Variants in RBFOX1 observed in about 807,000 individuals in gnomAD.
The protein encoded by RBFOX1 is RNA binding fox-1 homolog 1.
RBFOX1 carries 8 observed loss-of-function variants against 57.7 expected under a neutral mutation model. The observed-to-expected ratio is 0.14, with a 90% confidence interval of 0.08 to 0.25. The LOEUF (loss-of-function observed/expected upper bound fraction) is 0.25, where lower values mean the gene tolerates loss of function less well. Among genes scored for constraint, RBFOX1 ranks in the 10% least tolerant of loss-of-function variants. RBFOX1 has a pLI of 1.00. For missense variants in RBFOX1, 611 were observed against 548.5 expected, an observed-to-expected ratio of 1.11 and a Z score of -1.14; for synonymous variants, 326 against 222.4, an observed-to-expected ratio of 1.47 and a Z score of -4.15.
intron 3 of RBFOX1, among the ~76,000 whole-genome samples, chr16:5,635,938 G>A (rs2048670126): frequency 6.6e-6 from 1 of 152,192 alleles, no homozygotes; most frequent in Non-Finnish European, 1.5e-5. Context: ...TCCAGGTGCA[G>A]TGGCCCATGC....
chr16:5,306,381 A>G (rs374896316), intron 1 of RBFOX1, among the ~76,000 whole-genome samples: 2 of 150,558 alleles, frequency 1.3e-5, no homozygotes, highest in African/African-American at 2.4e-5. Flanking sequence ...GTGTAGTGGC[A>G]TGATCTTGAC....
At chr16:5,366,408 C>G (rs2065716692) in intron 1 of RBFOX1, 2 of 435,482 alleles carry the variant, frequency 4.6e-6, no homozygotes, top group African/African-American at 2.1e-5. Flanking sequence ...GATACTCCAG[C>G]CAAAAATGCA....
At chr16:5,700,876 T>A (rs2051022595) in intron 3 of RBFOX1, among the ~76,000 whole-genome samples, 1 of 152,214 alleles carries the variant, frequency 6.6e-6, no homozygotes, top group Non-Finnish European at 1.5e-5. Context: ...GTAGGTCACA[T>A]GTCCACTCCA....
intron 3 of RBFOX1, among the ~76,000 whole-genome samples, chr16:7,011,894 G>T (rs549980390): frequency 1.3e-5 from 2 of 152,158 alleles, no homozygotes; most frequent in Non-Finnish European, 2.9e-5. Context: ...AGCTCAAGTG[G>T]TATTGCATGC....
At chr16:6,618,460 G>A (rs1415924254) in intron 2 of RBFOX1, among the ~76,000 whole-genome samples, 1 of 152,190 alleles carries the variant, frequency 6.6e-6, no homozygotes, top group Non-Finnish European at 1.5e-5. Flanking sequence ...CCTACATTCT[G>A]ATAATAGTAG....
At chr16:7,160,650 T>C (rs527577517) in intron 4 of RBFOX1, among the ~76,000 whole-genome samples, 1 of 152,306 alleles carries the variant, frequency 6.6e-6, no homozygotes, top group Admixed American at 6.5e-5. Context: ...TGTCCAGTTA[T>C]GTCTTTTTGA....
chr16:6,547,419 T>C (rs1333150585), intron 2 of RBFOX1, among the ~76,000 whole-genome samples: 1 of 152,222 alleles, frequency 6.6e-6, no homozygotes, highest in Non-Finnish European at 1.5e-5. Flanking sequence ...ATGATCAGTT[T>C]GTCAGAGATG....
At chr16:7,104,667 T>G (rs1329847316) in intron 4 of RBFOX1, among the ~76,000 whole-genome samples, 4 of 152,144 alleles carry the variant, frequency 2.6e-5, no homozygotes, top group Non-Finnish European at 4.4e-5. Flanking sequence ...AAGACACATG[T>G]TTTCCTGTTG....
At chr16:7,002,676 C>T (rs1312979004) in intron 3 of RBFOX1, among the ~76,000 whole-genome samples, 1 of 152,240 alleles carries the variant, frequency 6.6e-6, no homozygotes, top group African/African-American at 2.4e-5. Context: ...TGCGCCACTG[C>T]ACTCCAGCCT....
intron 2 of RBFOX1, among the ~76,000 whole-genome samples, chr16:6,630,393 C>G (rs1029879371): frequency 6.6e-6 from 1 of 152,112 alleles, no homozygotes; most frequent in South Asian, 2.1e-4. Context: ...TTTAATGATA[C>G]TCAAAAGAAA....
chr16:5,906,737 T>TG (rs1431043952), intron 4 of RBFOX1, among the ~76,000 whole-genome samples: 1 of 137,330 alleles, frequency 7.3e-6, no homozygotes, highest in Non-Finnish European at 1.6e-5. Flanking sequence ...CTTTTTTTTT[T>TG]TTTTTTTTTT....
At chr16:6,938,784 T>A (rs1012647517) in intron 3 of RBFOX1, among the ~76,000 whole-genome samples, 1 of 152,082 alleles carries the variant, frequency 6.6e-6, no homozygotes, top group South Asian at 2.1e-4. Context: ...ATCCAAAAAT[T>A]AGCTGGGTGT....
intron 3 of RBFOX1, among the ~76,000 whole-genome samples, chr16:6,976,497 C>G (rs1032074413): frequency 3.9e-5 from 6 of 151,972 alleles, no homozygotes; most frequent in African/African-American, 1.2e-4. Context: ...GTTTTTAGAT[C>G]TCACACCAGA....
chr16:5,389,386 G>C (rs1327032077), intron 1 of RBFOX1, among the ~76,000 whole-genome samples: 1 of 152,086 alleles, frequency 6.6e-6, no homozygotes, highest in African/African-American at 2.4e-5. Flanking sequence ...GTTGCCTTGT[G>C]CCTCATACGA....
chr16:6,333,888 C>T (rs2083326885), intron 2 of RBFOX1, among the ~76,000 whole-genome samples: 1 of 152,138 alleles, frequency 6.6e-6, no homozygotes, highest in Non-Finnish European at 1.5e-5. Flanking sequence ...TTGAAGAAAT[C>T]AAAAGAAAGC....
At chr16:7,571,653 A>G (rs1317309777) in intron 5 of RBFOX1, among the ~76,000 whole-genome samples, 2 of 152,140 alleles carry the variant, frequency 1.3e-5, no homozygotes, top group African/African-American at 2.4e-5. Flanking sequence ...TAAGGCCTTC[A>G]CACTGGGCCC....
intron 4 of RBFOX1, among the ~76,000 whole-genome samples, chr16:5,907,352 G>A (rs931708077): frequency 3.3e-5 from 5 of 152,114 alleles, no homozygotes; most frequent in African/African-American, 4.8e-5. Context: ...TGTCAAAGAA[G>A]GGATTAAACT....
intron 3 of RBFOX1, among the ~76,000 whole-genome samples, chr16:6,722,876 T>G (rs2066308419): frequency 6.6e-6 from 1 of 152,222 alleles, no homozygotes; most frequent in Non-Finnish European, 1.5e-5. Context: ...CACTGACATC[T>G]GTGCCTGGTC....
intron 1 of RBFOX1, among the ~76,000 whole-genome samples, chr16:5,401,110 A>G (rs979354483): frequency 3.3e-5 from 5 of 151,902 alleles, no homozygotes; most frequent in Admixed American, 1.3e-4. Flanking sequence ...TTTCTTTGTG[A>G]TTTTTTCCCT....
Sources: gnomAD v4.1 joint callset for allele counts (sites outside exome capture counted in the v4.1 genomes callset) on GRCh38, gnomAD v4.1.1 for gene constraint, MANE v1.5 for transcripts, NCBI Gene and HGNC (gene_info 2026-07-23, HGNC 2026-07-21) for gene names.